Variants in TMEM17 observed in about 807,000 individuals in gnomAD.
TMEM17 encodes transmembrane protein 17.
A neutral mutation model predicts 19.1 loss-of-function variants in TMEM17; 15 were observed. The ratio of observed to expected loss-of-function variants is 0.78; its 90% CI spans 0.52 to 1.21. TMEM17 has a LOEUF of 1.21. TMEM17 is among the 50% of genes most tolerant of loss of function. The pLI is 0.00. For synonymous variants in TMEM17, 103 were observed against 86.9 expected (o/e 1.19, Z -1.03); for missense variants, 245 against 242.3 (o/e 1.01, Z -0.07).
chr2:62,454,911 AG>A, the TMEM17 span, among the ~76,000 whole-genome samples: 7 of 152,168 alleles, frequency 4.6e-5, no homozygotes, highest in Admixed American at 3.3e-4. Context: ...TCACTGTGTT[AG>A]CCCAGGATGG....
chr2:62,501,630 C>G (rs1679932653), intron 3 of TMEM17, 143 bp from the exon 4 acceptor site: 3 of 778,968 alleles, frequency 3.9e-6, no homozygotes, highest in Non-Finnish European at 6.0e-6. Flanking sequence ...GGTCCTTGTC[C>G]TCAGAGAACT....
At chr2:62,483,386 G>A in the TMEM17 span, among the ~76,000 whole-genome samples, 1 of 152,174 alleles carries the variant, frequency 6.6e-6, no homozygotes, top group Non-Finnish European at 1.5e-5. Context: ...TGGGATTACA[G>A]GCTCTGTAGG....
At chr2:62,476,696 G>C in the TMEM17 span, among the ~76,000 whole-genome samples, 1 of 152,312 alleles carries the variant, frequency 6.6e-6, no homozygotes, top group Non-Finnish European at 1.5e-5. Context: ...ATCCAAAGGG[G>C]TCTGGAATAG....
At chr2:62,465,254 G>A in the TMEM17 span, among the ~76,000 whole-genome samples, 4 of 152,284 alleles carry the variant, frequency 2.6e-5, no homozygotes, top group Admixed American at 1.3e-4. Flanking sequence ...CTCTTTCACC[G>A]CCTCAGTTAT....
the TMEM17 span, among the ~76,000 whole-genome samples, chr2:62,463,542 C>A: frequency 4.7e-3 from 719 of 152,166 alleles, 3 homozygotes; most frequent in African/African-American, 0.017. Context: ...AAAAGAAAAA[C>A]AATAATTTTA....
In TMEM17 at chr2:62,506,024, A is replaced by T. The variant is rs754659105; in HGVS notation, c.100+6T>A. On this transcript the variant is annotated splice_donor_region_variant and intron_variant, in intron 1 of 3. Coordinates refer to ENST00000335390, the MANE Select transcript of TMEM17 (RefSeq NM_198276.3). ...ACACCCCCTGCACCGGGCCTCGGTC[A>T]CTCACCCGGACCCTCATTGGACTCT... 36 of 1,606,352 alleles carry T rather than the reference A, an allele frequency of 2.2e-5. No individual in the cohort carries two copies. Among genetic ancestry groups the T allele is most frequent in the Non-Finnish European group, 3.0e-5 (35 of 1,176,548 alleles).
the TMEM17 span, among the ~76,000 whole-genome samples, chr2:62,461,195 G>A: frequency 6.6e-6 from 1 of 152,174 alleles, no homozygotes; most frequent in African/African-American, 2.4e-5. Context: ...AGTGCTTTTA[G>A]GGTTCAGGTC....
chr2:62,498,652 C>G (rs1157446214), downstream of TMEM17, among the ~76,000 whole-genome samples: 1 of 139,774 alleles, frequency 7.2e-6, no homozygotes, highest in Non-Finnish European at 1.6e-5. Context: ...GGAGGCGGAG[C>G]TTGCAGTGAG....
chr2:62,472,640 C>T, the TMEM17 span, among the ~76,000 whole-genome samples: 1 of 152,184 alleles, frequency 6.6e-6, no homozygotes, highest in Non-Finnish European at 1.5e-5. Context: ...GACTCAGATG[C>T]TCAAGGTCAA....
the TMEM17 span, among the ~76,000 whole-genome samples, chr2:62,470,027 C>T: frequency 6.6e-6 from 1 of 152,242 alleles, no homozygotes; most frequent in Non-Finnish European, 1.5e-5. Context: ...TCTCATTTTC[C>T]TGGCCCCTAA....
downstream of TMEM17, among the ~76,000 whole-genome samples, chr2:62,499,427 C>G (rs1679862432): frequency 6.6e-6 from 1 of 152,106 alleles, no homozygotes; most frequent in African/African-American, 2.4e-5. Flanking sequence ...ATGTTTTAGA[C>G]AACTATTCAA....
At chr2:62,484,238 T>C in the TMEM17 span, among the ~76,000 whole-genome samples, 61 of 152,262 alleles carry the variant, frequency 4.0e-4, no homozygotes, top group Non-Finnish European at 4.8e-4. Context: ...GGTGGGAACC[T>C]ATATCTGCGC....
the TMEM17 span, among the ~76,000 whole-genome samples, chr2:62,487,662 T>TA: frequency 1.4e-4 from 22 of 152,140 alleles, no homozygotes; most frequent in African/African-American, 4.8e-4. Context: ...AAAATTAAAA[T>TA]AAAAAAATAA....
the TMEM17 span, among the ~76,000 whole-genome samples, chr2:62,486,047 C>T: frequency 6.6e-6 from 1 of 152,164 alleles, no homozygotes; most frequent in Non-Finnish European, 1.5e-5. Flanking sequence ...AGTTCAATGT[C>T]CTGAAATGTG....
At chr2:62,476,071 T>TG in the TMEM17 span, among the ~76,000 whole-genome samples, 5 of 140,366 alleles carry the variant, frequency 3.6e-5, no homozygotes, top group African/African-American at 1.6e-4. Flanking sequence ...GCCTTCCCAC[T>TG]GGGGGCGGTC....
chr2:62,467,512 G>A, the TMEM17 span, among the ~76,000 whole-genome samples: 1 of 152,208 alleles, frequency 6.6e-6, no homozygotes, highest in African/African-American at 2.4e-5. Context: ...CAGGAGCCAA[G>A]GCCTCATAGA....
chr2:62,504,169 T>C (rs1680003579), intron 1 of TMEM17, among the ~76,000 whole-genome samples: 1 of 152,218 alleles, frequency 6.6e-6, no homozygotes, highest in African/African-American at 2.4e-5. Flanking sequence ...CACAGCAAAA[T>C]AGTTTCTTTT....
chr2:62,490,086 G>A, the TMEM17 span, among the ~76,000 whole-genome samples: 5 of 152,170 alleles, frequency 3.3e-5, no homozygotes, highest in Non-Finnish European at 7.3e-5. Context: ...TAAGGCACAA[G>A]AATCACTTGA....
Position 62,501,098 on chromosome 2 carries a change from G to C in TMEM17, c.*111C>G. The C allele has an allele frequency of 8.2e-7, 1 of 1,225,250 alleles. No individual in the cohort carries two copies. The highest frequency in any genetic ancestry group is 2.3e-5 in the East Asian group (1 of 42,844). 75.9% of individuals were successfully genotyped at this position (1,225,250 alleles called of 1,614,324 possible). Reference sequence around the variant, plus strand: ...CCAACCTTGGAATTTCAGAGTGAGAGCATATACAATTCAAAACACTTGCTT... The same window carrying C: ...CCAACCTTGGAATTTCAGAGTGAGACCATATACAATTCAAAACACTTGCTT... On this transcript the variant is annotated 3_prime_UTR_variant, in exon 4 of 4. Coordinates refer to ENST00000335390, the MANE Select transcript of TMEM17 (RefSeq NM_198276.3).
Sources: gnomAD v4.1 joint callset for allele counts (sites outside exome capture counted in the v4.1 genomes callset) on GRCh38, gnomAD v4.1.1 for gene constraint, MANE v1.5 for transcripts, NCBI Gene and HGNC (gene_info 2026-07-23, HGNC 2026-07-21) for gene names.